The following CTNNA3 variants were observed in gnomAD, a reference collection of about 807,000 sequenced individuals.
CTNNA3 encodes catenin alpha-3.
A neutral mutation model predicts 95.7 loss-of-function variants in CTNNA3; 76 were observed. The ratio of observed to expected loss-of-function variants is 0.79; its 90% CI spans 0.66 to 0.96. CTNNA3 has a LOEUF of 0.96. Ranked by LOEUF, CTNNA3 falls within the 40% of genes least tolerant of loss-of-function variation. The probability of loss-of-function intolerance (pLI) is 0.00; values close to 1 mark genes in which losing one functional copy is unlikely to be tolerated. For missense variants in CTNNA3, 1,191 were observed against 1,089.8 expected (o/e 1.09, Z -1.31); for synonymous variants, 431 against 374.4 (o/e 1.15, Z -1.74).
At chr10:66,454,081 T>C (rs1297736313) in intron 11 of CTNNA3, among the ~76,000 whole-genome samples, 1 of 152,106 alleles carries the variant, frequency 6.6e-6, no homozygotes, top group Admixed American at 6.6e-5. Context: ...CCAGCCATTG[T>C]TGGTTTGGAT....
intron 11 of CTNNA3, among the ~76,000 whole-genome samples, chr10:66,429,492 A>C (rs2131741712): frequency 6.6e-6 from 1 of 152,272 alleles, no homozygotes; most frequent in Admixed American, 6.5e-5. Flanking sequence ...ACGTCAATGC[A>C]AAAATCCTCA....
chr10:66,373,273 C>T (rs1186027051), intron 12 of CTNNA3, among the ~76,000 whole-genome samples: 1 of 151,908 alleles, frequency 6.6e-6, no homozygotes, highest in East Asian at 1.9e-4. Flanking sequence ...AGAATCTTGC[C>T]ATTCTTATTT....
chr10:65,913,746 C>T lies in CTNNA3; in HGVS notation c.*6584G>A, dbSNP rs917885712. 1 of 152,048 alleles carries T rather than the reference C, an allele frequency of 6.6e-6. No homozygotes were observed. The highest frequency in any genetic ancestry group is 2.4e-5 in the African/African-American group (1 of 41,408). The allele number at this position is 152,048 out of a possible 1,614,324, so 9.4% of individuals were successfully genotyped here. On this transcript the variant is annotated 3_prime_UTR_variant, in exon 18 of 18. Coordinates refer to ENST00000433211, the MANE Select transcript of CTNNA3 (RefSeq NM_013266.4). Reference sequence around the variant, plus strand: ...CTAGCATCTCTGACTTACTCCTTTGCTTTACTAATAAACACTCCACTACAA... The same window carrying T: ...CTAGCATCTCTGACTTACTCCTTTGTTTTACTAATAAACACTCCACTACAA...
At chr10:66,011,749 A>G (rs2079009209) in intron 15 of CTNNA3, among the ~76,000 whole-genome samples, 1 of 152,184 alleles carries the variant, frequency 6.6e-6, no homozygotes, top group Non-Finnish European at 1.5e-5. Flanking sequence ...AGGGCCAAAA[A>G]TCGACACACA....
intron 7 of CTNNA3, among the ~76,000 whole-genome samples, chr10:67,016,148 T>C (rs1387324575): frequency 6.6e-6 from 1 of 152,116 alleles, no homozygotes; most frequent in Non-Finnish European, 1.5e-5. Context: ...AAACAGAAAA[T>C]GGTAGTTTTA....
chr10:67,155,575 A>G (rs1022425621), intron 7 of CTNNA3, among the ~76,000 whole-genome samples: 11 of 151,794 alleles, frequency 7.2e-5, no homozygotes, highest in Non-Finnish European at 1.2e-4. Flanking sequence ...TCTTTTAGTT[A>G]CCAAATAATC....
chr10:66,701,685 G>A (rs372086921), intron 9 of CTNNA3, among the ~76,000 whole-genome samples: 3 of 151,978 alleles, frequency 2.0e-5, no homozygotes, highest in East Asian at 1.9e-4. Context: ...GTTTGTATAC[G>A]GATCTTATAT....
chr10:67,719,588 G>C (rs777463789), intron 1 of CTNNA3, among the ~76,000 whole-genome samples: 6 of 152,166 alleles, frequency 3.9e-5, no homozygotes, highest in Non-Finnish European at 8.8e-5. Flanking sequence ...AGGTTGTTCA[G>C]TTTCCATGTA....
chr10:67,236,285 G>C (rs1483169040), intron 5 of CTNNA3, among the ~76,000 whole-genome samples: 1 of 150,266 alleles, frequency 6.7e-6, no homozygotes, highest in Non-Finnish European at 1.5e-5. Flanking sequence ...TGATAGACTG[G>C]ATTAAGAAAA....
intron 13 of CTNNA3, among the ~76,000 whole-genome samples, chr10:66,175,262 G>T (rs546730725): frequency 8.5e-5 from 13 of 152,082 alleles, no homozygotes; most frequent in Non-Finnish European, 1.2e-4. Context: ...TCTAGATCTT[G>T]CAAGGAGTGT....
At chr10:67,255,593 T>C (rs1866316957) in intron 5 of CTNNA3, among the ~76,000 whole-genome samples, 1 of 152,170 alleles carries the variant, frequency 6.6e-6, no homozygotes, top group South Asian at 2.1e-4. Flanking sequence ...AGCAAATTAT[T>C]GTCTTCATTT....
At chr10:66,716,820 C>T (rs1365549793) in intron 9 of CTNNA3, among the ~76,000 whole-genome samples, 7 of 152,102 alleles carry the variant, frequency 4.6e-5, no homozygotes, top group African/African-American at 9.7e-5. Flanking sequence ...ATTTGCAGTG[C>T]GTCACCCGAC....
intron 5 of CTNNA3, among the ~76,000 whole-genome samples, chr10:67,273,034 G>C (rs1179819843): frequency 6.6e-6 from 1 of 152,084 alleles, no homozygotes; most frequent in African/African-American, 2.4e-5. Context: ...TAATGTAGTA[G>C]TTACAATTAC....
chr10:66,119,316 C>A (rs1327708408), intron 13 of CTNNA3, among the ~76,000 whole-genome samples: 1 of 152,110 alleles, frequency 6.6e-6, no homozygotes, highest in Non-Finnish European at 1.5e-5. Flanking sequence ...TATCAACATA[C>A]AGTATTATTT....
chr10:66,757,384 C>T (rs1839405852), intron 9 of CTNNA3, among the ~76,000 whole-genome samples: 1 of 152,136 alleles, frequency 6.6e-6, no homozygotes, highest in Non-Finnish European at 1.5e-5. Context: ...AGTAAGGAAG[C>T]TAACTAGTAT....
intron 12 of CTNNA3, among the ~76,000 whole-genome samples, chr10:66,324,257 T>C (rs2092226442): frequency 6.6e-6 from 1 of 151,960 alleles, no homozygotes; most frequent in South Asian, 2.1e-4. Context: ...GAGGCGGAGA[T>C]TCCAGTGAAC....
intron 11 of CTNNA3, among the ~76,000 whole-genome samples, chr10:66,443,650 C>T (rs935799803): frequency 1.3e-5 from 2 of 151,406 alleles, no homozygotes; most frequent in African/African-American, 2.4e-5. Context: ...ACAGAAAGGA[C>T]ATCCACACCA....
rs1219469661 is a variant in CTNNA3 at position 66,971,271 on chromosome 10, C to CA, written c.1048-195748dup. On this transcript the variant is annotated intron_variant, in intron 7 of 17. Coordinates refer to ENST00000433211, the MANE Select transcript of CTNNA3 (RefSeq NM_013266.4). The stretch of plus-strand genomic sequence containing the variant: ...TGAAACCCCGTCTCTACTAAAAATA[C>CA]AAAAATTAGCTGGGCATGGTTGTGT... Among the ~76,000 whole-genome samples, 3 of 151,964 alleles carry CA rather than the reference C, an allele frequency of 2.0e-5. 1 individual carries two copies. The highest frequency in any genetic ancestry group is 7.3e-5 in the African/African-American group (3 of 41,352).
intron 10 of CTNNA3, among the ~76,000 whole-genome samples, chr10:66,604,441 A>T (rs1405616079): frequency 6.6e-6 from 1 of 152,096 alleles, no homozygotes; most frequent in Non-Finnish European, 1.5e-5. Flanking sequence ...GCTGCAGCCG[A>T]TGAGCGTGCA....
Sources: allele counts gnomAD v4.1 joint callset (sites outside exome capture counted in the v4.1 genomes callset), GRCh38; gene constraint gnomAD v4.1.1; transcripts MANE v1.5; gene names NCBI Gene and HGNC (gene_info 2026-07-23, HGNC 2026-07-21).